The following CDC42SE2 variants were observed in gnomAD, a reference collection of about 807,000 sequenced individuals.
The protein encoded by CDC42SE2 is CDC42 small effector 2.
CDC42SE2 carries 3 observed loss-of-function variants against 11.5 expected under a neutral mutation model. The observed-to-expected ratio is 0.26, with a 90% CI of 0.12 to 0.67. The LOEUF (loss-of-function observed/expected upper bound fraction) is 0.67. Ranked by LOEUF, CDC42SE2 falls within the 30% of genes least tolerant of loss-of-function variation. CDC42SE2 has a pLI of 0.80. For synonymous variants in CDC42SE2, 33 were observed against 34.8 expected, an observed-to-expected ratio of 0.95 and a Z score of 0.18; for missense variants, 82 against 106.8, an observed-to-expected ratio of 0.77 and a Z score of 1.02.
Position 131,301,991 on chromosome 5 carries a change from C to CT in CDC42SE2, c.-454-13978dup, listed in dbSNP as rs1022347209. ...AGTTTGATAGCAGCACCTCCTTTTT[C>CT]TTTTTTTATCTTATTTTATTTTATT... On this transcript the variant is annotated intron_variant, in intron 1 of 4. Transcript: ENST00000505065. 6.6e-5 allele frequency among the ~76,000 whole-genome samples: 10 copies of CT among 151,894 alleles called. 1 individual carries two copies. The highest frequency in any genetic ancestry group is 3.3e-4 in the Admixed American group (5 of 15,224).
At chr5:131,335,350 GTTC>G (rs1561588503) in intron 2 of CDC42SE2, among the ~76,000 whole-genome samples, 1 of 152,100 alleles carries the variant, frequency 6.6e-6, no homozygotes, top group African/African-American at 2.4e-5. Flanking sequence ...TATGATTTCT[GTTC>G]TTTTCCATTT....
At chr5:131,297,902 C>T (rs1418429137) in intron 1 of CDC42SE2, among the ~76,000 whole-genome samples, 1 of 151,932 alleles carries the variant, frequency 6.6e-6, no homozygotes, top group Non-Finnish European at 1.5e-5. Flanking sequence ...GAGACTCTCC[C>T]TATTTCCAAT....
intron 1 of CDC42SE2, among the ~76,000 whole-genome samples, chr5:131,286,354 G>A (rs948917514): frequency 2.0e-5 from 3 of 147,764 alleles, no homozygotes; most frequent in Non-Finnish European, 3.0e-5. Context: ...AAAATGCTGG[G>A]ATTATAGGCA....
chr5:131,360,538 A>G (rs551377354), intron 3 of CDC42SE2, among the ~76,000 whole-genome samples: 3 of 152,236 alleles, frequency 2.0e-5, no homozygotes, highest in Non-Finnish European at 4.4e-5. Flanking sequence ...TCATTTTTCT[A>G]TTATAGCATG....
chr5:131,350,609 G>T lies in CDC42SE2; in HGVS notation c.-285-8600G>T, dbSNP rs188968086. 8.4e-3 allele frequency among the ~76,000 whole-genome samples: 879 copies of T among 104,598 alleles called. 9 individuals carry two copies. Among genetic ancestry groups the T allele is most frequent in the African/African-American group, 0.041 (852 of 20,672 alleles). 68.6% of individuals were successfully genotyped at this position (104,598 alleles called of 152,430 possible). ...AAAGTGATACAACAAAATTTATTTT[G>T]TGTGTGTGTGTGTGTGTGTGTGTGT... On this transcript the variant is annotated intron_variant, in intron 2 of 4. Transcript: ENST00000505065.
chr5:131,293,141 G>A (rs1450578612), intron 1 of CDC42SE2, among the ~76,000 whole-genome samples: 1 of 151,958 alleles, frequency 6.6e-6, no homozygotes, highest in African/African-American at 2.4e-5. Context: ...GCAACGTGAT[G>A]GTAATAGGAG....
intron 2 of CDC42SE2, among the ~76,000 whole-genome samples, chr5:131,334,365 C>T (rs1758501190): frequency 6.6e-6 from 1 of 152,132 alleles, no homozygotes; most frequent in Admixed American, 6.5e-5. Context: ...ATTTGGTTTG[C>T]CAGTATTTTA....
intron 3 of CDC42SE2, among the ~76,000 whole-genome samples, chr5:131,377,174 A>ATTT (rs35859756): frequency 1.4e-5 from 2 of 139,078 alleles, no homozygotes; most frequent in Non-Finnish European, 1.6e-5. Flanking sequence ...ACTATATGTA[A>ATTT]TTTTTTTTTT....
chr5:131,345,872 A>T (rs1462807293), intron 2 of CDC42SE2, among the ~76,000 whole-genome samples: 1 of 152,192 alleles, frequency 6.6e-6, no homozygotes, highest in East Asian at 1.9e-4. Flanking sequence ...AGAATTTTCA[A>T]CCCAGAATTT....
intron 1 of CDC42SE2, among the ~76,000 whole-genome samples, chr5:131,251,780 G>C (rs943300539): frequency 6.6e-6 from 1 of 152,130 alleles, no homozygotes; most frequent in African/African-American, 2.4e-5. Flanking sequence ...TTGGGATTCC[G>C]AAGAGGGTGG....
intron 1 of CDC42SE2, among the ~76,000 whole-genome samples, chr5:131,269,799 G>A (rs890833650): frequency 4.0e-5 from 6 of 151,428 alleles, no homozygotes; most frequent in African/African-American, 1.5e-4. Context: ...CCTGGCTCAC[G>A]CCTGTAATCC....
At chr5:131,298,916 A>C (rs1239747404) in intron 1 of CDC42SE2, among the ~76,000 whole-genome samples, 1 of 152,176 alleles carries the variant, frequency 6.6e-6, no homozygotes, top group Non-Finnish European at 1.5e-5. Flanking sequence ...CCCTGAAAGG[A>C]AGGTACAAGG....
At chr5:131,315,359 G>A (rs1342236538) in intron 1 of CDC42SE2, among the ~76,000 whole-genome samples, 1 of 152,188 alleles carries the variant, frequency 6.6e-6, no homozygotes, top group Non-Finnish European at 1.5e-5. Flanking sequence ...CCTCAAGGCA[G>A]AGAAACATGC....
At chr5:131,286,048 CTTT>C (rs66827141) in intron 1 of CDC42SE2, among the ~76,000 whole-genome samples, 57 of 127,178 alleles carry the variant, frequency 4.5e-4, no homozygotes, top group Non-Finnish European at 6.4e-4. Context: ...GGAAATGTAG[CTTT>C]TTTTTTTTTT....
At chr5:131,289,623 A>T (rs932595435) in intron 1 of CDC42SE2, among the ~76,000 whole-genome samples, 1 of 151,788 alleles carries the variant, frequency 6.6e-6, no homozygotes, top group Non-Finnish European at 1.5e-5. Context: ...CAGTGAGCTG[A>T]GATCGCACCA....
intron 2 of CDC42SE2, among the ~76,000 whole-genome samples, chr5:131,355,126 T>G (rs1561596744): frequency 1.3e-5 from 2 of 152,204 alleles, no homozygotes; most frequent in South Asian, 4.1e-4. Context: ...CTACATTACT[T>G]CTGGTCCCAA....
At chr5:131,335,177 T>C (rs7378712) in intron 2 of CDC42SE2, among the ~76,000 whole-genome samples, 4 of 152,010 alleles carry the variant, frequency 2.6e-5, no homozygotes, top group African/African-American at 4.8e-5. Context: ...TCTTTGTTCT[T>C]GTTGGTTTCA....
At chr5:131,358,173 C>T (rs752552571) in intron 2 of CDC42SE2, among the ~76,000 whole-genome samples, 2 of 152,178 alleles carry the variant, frequency 1.3e-5, no homozygotes, top group Non-Finnish European at 2.9e-5. Context: ...TGCAAAACTT[C>T]TCCTTGGCTT....
At chr5:131,327,667 A>G (rs1265935994) in intron 2 of CDC42SE2, among the ~76,000 whole-genome samples, 1 of 152,160 alleles carries the variant, frequency 6.6e-6, no homozygotes, top group Non-Finnish European at 1.5e-5. Context: ...GTTTTTCATA[A>G]TTTATTTGAC....
Sources: gnomAD v4.1 joint callset for allele counts (sites outside exome capture counted in the v4.1 genomes callset) on GRCh38, gnomAD v4.1.1 for gene constraint, MANE v1.5 for transcripts, NCBI Gene and HGNC (gene_info 2026-07-23, HGNC 2026-07-21) for gene names.